EGLN1: variants seen among roughly 807,000 people sequenced by gnomAD.
EGLN1 encodes the protein egl-9 family hypoxia inducible factor 1.
A neutral mutation model predicts 38.3 loss-of-function variants in EGLN1; 17 were observed. The ratio of observed to expected loss-of-function variants is 0.44; its 90% CI spans 0.30 to 0.67. EGLN1 has a LOEUF of 0.67. Ranked by LOEUF, EGLN1 falls within the 30% of genes least tolerant of loss-of-function variation. The pLI is 0.08. For synonymous variants in EGLN1, 283 were observed against 257.5 expected (o/e 1.10, Z -0.95); for missense variants, 477 against 603.3 (o/e 0.79, Z 2.19).
intron 1 of EGLN1, among the ~76,000 whole-genome samples, chr1:231,387,003 T>A (rs1688228431): frequency 6.6e-6 from 1 of 151,434 alleles, no homozygotes; most frequent in African/African-American, 2.4e-5. Context: ...TCTACAGGTG[T>A]GCACCATCAC....
intron 1 of EGLN1, among the ~76,000 whole-genome samples, chr1:231,410,998 C>T (rs895473992): frequency 3.3e-5 from 5 of 151,958 alleles, no homozygotes; most frequent in Admixed American, 2.6e-4. Context: ...AATTATATAA[C>T]AAAACTATAG....
intron 1 of EGLN1, among the ~76,000 whole-genome samples, chr1:231,406,784 G>A (rs534729735): frequency 7.2e-5 from 11 of 152,008 alleles, no homozygotes; most frequent in East Asian, 1.9e-4. Flanking sequence ...AAAGTGCACC[G>A]CTCCCACTAG....
In EGLN1 at chr1:231,370,627, A is replaced by G. The variant is rs534713982; in HGVS notation, c.1083T>C (p.Asp361=). 1 of 1,614,192 alleles carries G rather than the reference A, an allele frequency of 6.2e-7. No homozygotes were observed. The highest frequency in any genetic ancestry group is 1.3e-5 in the African/African-American group (1 of 75,054). Residue 361 remains aspartate (D), a synonymous_variant, in exon 3 of 5, where the codon GAT becomes GAC. Transcript: ENST00000366641. ...AQFADIEPKF[D]RLLFFWSDRR... ...GGTCAGACCAGAAAAACAGCAGTCT[A>G]TCAAATTTGGGTTCAATGTCAGCAA... is the stretch of plus-strand genomic sequence containing the variant.
In EGLN1 at chr1:231,380,023, C is replaced by G. The variant is rs138413293; in HGVS notation, c.892-5924G>C. 2.7e-4 allele frequency among the ~76,000 whole-genome samples: 41 copies of G among 150,932 alleles called. No homozygotes were observed. In the East Asian group the frequency reaches 6.3e-3, roughly 23 times the overall value. ...AAAACAGGTCATGCTGGAAGGCCAT[C>G]CAGGTGGGGATGTTCAAAGGGCAGT... On this transcript the variant is annotated intron_variant, in intron 1 of 4. Transcript: ENST00000366641.
Position 231,421,836 on chromosome 1 carries a change from C to A in EGLN1, c.53G>T (p.Arg18Leu), listed in dbSNP as rs886046112. The A allele has an allele frequency of 2.0e-6, 3 of 1,519,238 alleles. No homozygotes were observed. The highest frequency in any genetic ancestry group is 2.4e-5 in the South Asian group (2 of 82,474). The allele number at this position is 1,519,238 out of a possible 1,614,324, so 94.1% of individuals were successfully genotyped here. ...PGGPSPSERD[R>L]QYCELCGKME... The stretch of plus-strand genomic sequence containing the variant: ...CTTCCCGCACAGCTCGCAGTACTGC[C>A]GGTCTCGCTCGCTCGGGCTCGGCCC... The change falls in exon 1 of 5, where the codon CGG becomes CTG. Residue 18 changes from arginine to leucine, a missense_variant. Arg to Leu is a moderately radical substitution (Grantham distance 102). This residue lies in a region of EGLN1 where 298 missense variants were observed against 288.9 expected (regional missense o/e 1.03). Coordinates refer to ENST00000366641, the MANE Select transcript of EGLN1 (RefSeq NM_022051.3). This position sits in a 1 kb window ranked among gnomAD's most constrained non-coding sequence, Gnocchi z 5.5.
intron 1 of EGLN1, among the ~76,000 whole-genome samples, chr1:231,383,536 G>A (rs992479245): frequency 2.0e-5 from 3 of 152,186 alleles, no homozygotes; most frequent in African/African-American, 7.2e-5. Context: ...AAAAATAGAA[G>A]TTTTCCAGAG....
At chr1:231,393,114 T>G (rs375964198) in intron 1 of EGLN1, among the ~76,000 whole-genome samples, 207 of 152,358 alleles carry the variant, frequency 1.4e-3, no homozygotes, top group Non-Finnish European at 2.3e-3. Context: ...ATTAGGGCCA[T>G]CTTGTTGTCA....
chr1:231,376,737 TTAGGTA>T (rs1454930388), intron 1 of EGLN1, among the ~76,000 whole-genome samples: 1 of 152,096 alleles, frequency 6.6e-6, no homozygotes, highest in Non-Finnish European at 1.5e-5. Flanking sequence ...ATGAAAAAAA[TTAGGTA>T]TATAGAGAAA....
At position 231,421,649 on chromosome 1, in the gene EGLN1, C is replaced by T. The variant is rs973195004; in HGVS notation, c.240G>A (p.Pro80=). Residue 80 remains proline (P), a synonymous_variant, in exon 1 of 5, where the codon CCG becomes CCA. Coordinates refer to ENST00000366641, the MANE Select transcript of EGLN1 (RefSeq NM_022051.3). This position sits in a 1 kb window ranked among gnomAD's most constrained non-coding sequence, Gnocchi z 5.5. ...GPHQHSGPAP[P]AAVPPPRAGA... ...CGGCCCTGGGCGGCGGCACTGCAGC[C>T]GGCGGCGCGGGGCCGGAATGCTGGT... 4 of 1,456,532 alleles carry T rather than the reference C, an allele frequency of 2.7e-6. No homozygotes were observed. Among genetic ancestry groups the T allele is most frequent in the Non-Finnish European group, 3.6e-6 (4 of 1,108,032 alleles). The allele number at this position is 1,456,532 out of a possible 1,614,324, so 90.2% of individuals were successfully genotyped here.
intron 1 of EGLN1, among the ~76,000 whole-genome samples, chr1:231,414,464 AAC>A (rs1479072832): frequency 3.9e-5 from 6 of 152,204 alleles, no homozygotes; most frequent in African/African-American, 9.7e-5. Context: ...GTCACTCAGA[AAC>A]ACAGAGTGGG....
chr1:231,405,265 C>T (rs767499626), intron 1 of EGLN1, among the ~76,000 whole-genome samples: 13 of 152,074 alleles, frequency 8.5e-5, no homozygotes, highest in Admixed American at 4.6e-4. Context: ...CTCCGCCTCC[C>T]GGGTTCACGC....
In EGLN1 at chr1:231,363,920, G is replaced by A. The variant is rs1333130258; in HGVS notation, c.*2491C>T. ...TCTTGATAAAGGTCTGTGTTTTACA[G>A]CTGGTTAATGTGTTGAATAAAAACA... On this transcript the variant is annotated 3_prime_UTR_variant, in exon 5 of 5. Coordinates refer to ENST00000366641, the MANE Select transcript of EGLN1 (RefSeq NM_022051.3). 2 of 152,154 alleles carry A rather than the reference G, an allele frequency of 1.3e-5. No homozygotes were observed. Among genetic ancestry groups the A allele is most frequent in the East Asian group, 3.8e-4 (2 of 5,200 alleles). 9.4% of individuals were successfully genotyped at this position (152,154 alleles called of 1,614,324 possible).
At position 231,421,910 on chromosome 1, in the gene EGLN1, G is replaced by A. The variant is rs1336568079; in HGVS notation, c.-22C>T. On this transcript the variant is annotated 5_prime_UTR_variant, in exon 1 of 5. Transcript: ENST00000366641. This position sits in a 1 kb window ranked among gnomAD's most constrained non-coding sequence, Gnocchi z 5.5. ...CCATGGCGGCGGCGGCGGCGGCGAC[G>A]GCGACTGCGGCGGCCGAGCAGGAGG... 4 of 1,384,926 alleles carry A rather than the reference G, an allele frequency of 2.9e-6. No individual in the cohort carries two copies. Among genetic ancestry groups the A allele is most frequent in the South Asian group, 1.6e-5 (1 of 60,920 alleles). 85.8% of individuals were successfully genotyped at this position (1,384,926 alleles called of 1,614,324 possible).
Position 231,386,454 on chromosome 1 carries a change from T to C in EGLN1, c.892-12355A>G, listed in dbSNP as rs1688210072. 2.6e-5 allele frequency among the ~76,000 whole-genome samples: 4 copies of C among 152,250 alleles called. No individual in the cohort carries two copies. The South Asian group carries it at 8.3e-4, about 31-fold the overall frequency. On this transcript the variant is annotated intron_variant, in intron 1 of 4. Transcript: ENST00000366641. ...GACAAGATCCAGTCTTAGAAAATAA[T>C]GATGAGTCTGTTTCATCTAACATTA...
chr1:231,420,827 T>TA (rs1485915717), intron 1 of EGLN1, among the ~76,000 whole-genome samples, 171 bp downstream of exon 1: 1 of 152,076 alleles, frequency 6.6e-6, no homozygotes, highest in Non-Finnish European at 1.5e-5. Flanking sequence ...GCTAACTAGA[T>TA]AAACAGCTAC....
rs1231329190 is a variant in EGLN1 at position 231,421,542 on chromosome 1, G to T, written c.347C>A (p.Pro116His). The T allele has an allele frequency of 7.7e-7, 1 of 1,305,342 alleles. No individual in the cohort carries two copies. The highest frequency in any genetic ancestry group is 3.2e-5 in the East Asian group (1 of 31,364). 80.9% of individuals were successfully genotyped at this position (1,305,342 alleles called of 1,614,324 possible). A position where few individuals can be genotyped will look rare whatever the true frequency, so the allele number is the denominator to read the frequency against. ...DAAKGKVKAK[P>H]PADPAAAASP... is the part of the protein sequence containing the mutation. ...CGCGGCCGCCGCTGGGTCGGCCGGGGGCTTGGCCTTTACTTTTCCCTTGGC... is the reference window on the plus strand; with the variant it reads ...CGCGGCCGCCGCTGGGTCGGCCGGGTGCTTGGCCTTTACTTTTCCCTTGGC... The change falls in exon 1 of 5, where the codon CCC becomes CAC. Residue 116 changes from proline (P) to histidine (H), a missense_variant. By Grantham distance (77) the Pro-to-His change is moderately conservative (BLOSUM62 -2). Coordinates refer to ENST00000366641, the MANE Select transcript of EGLN1 (RefSeq NM_022051.3). This position sits in a 1 kb window ranked among gnomAD's most constrained non-coding sequence, Gnocchi z 5.5.
At chr1:231,390,575 C>T (rs1188182018) in intron 1 of EGLN1, among the ~76,000 whole-genome samples, 1 of 152,228 alleles carries the variant, frequency 6.6e-6, no homozygotes, top group Non-Finnish European at 1.5e-5. Context: ...ACTCTATATT[C>T]CAGTTTTGGG....
At chr1:231,374,474 A>C (rs1687906600) in intron 1 of EGLN1, among the ~76,000 whole-genome samples, 3 of 152,026 alleles carry the variant, frequency 2.0e-5, no homozygotes, top group African/African-American at 4.8e-5. Flanking sequence ...TGATAGGTGA[A>C]CCAACCCAGT....
chr1:231,380,567 A>C (rs1688059841), intron 1 of EGLN1, among the ~76,000 whole-genome samples: 1 of 152,134 alleles, frequency 6.6e-6, no homozygotes, highest in East Asian at 1.9e-4. Context: ...TTTGGAGCTT[A>C]ATCTTTGTAA....
Sources: gnomAD v4.1 joint callset for allele counts (sites outside exome capture counted in the v4.1 genomes callset) on GRCh38, gnomAD v4.1.1 for gene constraint, gnomAD v4.1.1 regional missense constraint, Gnocchi (gnomAD v3.1) non-coding constraint, MANE v1.5 for transcripts, NCBI Gene and HGNC (gene_info 2026-07-23, HGNC 2026-07-21) for gene names.